Variants in PPP1R13L observed in about 807,000 individuals in gnomAD.
PPP1R13L encodes protein phosphatase 1 regulatory subunit 13 like.
A neutral mutation model predicts 80.9 loss-of-function variants in PPP1R13L; 50 were observed. The ratio of observed to expected loss-of-function variants is 0.62; its 90% CI spans 0.49 to 0.78. PPP1R13L has a LOEUF of 0.78. PPP1R13L is among the 30% of genes least tolerant of loss of function. The pLI is 0.00. For missense variants in PPP1R13L, 1,200 were observed against 1,205.9 expected, an observed-to-expected ratio of 1.00 and a Z score of 0.07; for synonymous variants, 602 against 534.3, an observed-to-expected ratio of 1.13 and a Z score of -1.75.
intron 1 of PPP1R13L, among the ~76,000 whole-genome samples, chr19:45,399,071 G>A (rs1973175978): frequency 6.6e-6 from 1 of 151,472 alleles, no homozygotes; most frequent in African/African-American, 2.4e-5. Context: ...AGCCTCCCGA[G>A]TAGCTGGGAC....
At chr19:45,403,991 G>A (rs1305707394) in intron 1 of PPP1R13L, among the ~76,000 whole-genome samples, 1 of 152,062 alleles carries the variant, frequency 6.6e-6, no homozygotes, top group Non-Finnish European at 1.5e-5. Context: ...TGGGCGTGGA[G>A]GTGACATTTC....
intron 11 of PPP1R13L, 44 bp downstream of exon 11, chr19:45,385,517 TG>T: frequency 6.4e-7 from 1 of 1,561,534 alleles, no homozygotes; most frequent in Non-Finnish European, 8.7e-7. Flanking sequence ...TCCCCGCTCC[TG>T]CGCACCCGCC....
At chr19:45,398,416 A>C in intron 1 of PPP1R13L, 77 bp from the exon 2 acceptor site, 2 of 1,424,590 alleles carry the variant, frequency 1.4e-6, no homozygotes, top group Non-Finnish European at 1.9e-6. Flanking sequence ...AGACGCCGTC[A>C]GGAGCGGGAC....
intron 8 of PPP1R13L, among the ~76,000 whole-genome samples, 158 bp from the exon 9 acceptor site, chr19:45,386,338 C>A (rs1340806354): frequency 6.6e-6 from 1 of 152,132 alleles, no homozygotes; most frequent in Non-Finnish European, 1.5e-5. Flanking sequence ...CTTCGATCTC[C>A]TCCTAGAGCC....
intron 8 of PPP1R13L, 70 bp downstream of exon 8, chr19:45,391,810 G>T (rs1972977276): frequency 4.9e-6 from 6 of 1,221,576 alleles, no homozygotes; most frequent in East Asian, 2.6e-5. Flanking sequence ...CACTATATTT[G>T]GGGGGCTCTT....
At position 45,381,813 on chromosome 19, in the gene PPP1R13L, G is replaced by A. The variant is rs542837067; in HGVS notation, c.2448+714C>T. On this transcript the variant is annotated intron_variant, in intron 12 of 12. Transcript: ENST00000360957. ...AAATTAGCCGTGCGTGGTGGCATGC[G>A]CCTGTCATCCCAGCTACTCTGGAGG... Among the ~76,000 whole-genome samples the A allele has an allele frequency of 7.9e-5, 12 of 151,604 alleles. No homozygotes were observed. In the South Asian group the frequency reaches 1.7e-3, roughly 21 times the overall value.
chr19:45,396,371 C>T lies in PPP1R13L; in HGVS notation c.778G>A (p.Glu260Lys), dbSNP rs112730430. 5.6e-5 allele frequency: 90 copies of T among 1,614,144 alleles called. 1 individual carries two copies. The highest frequency in any genetic ancestry group is 1.9e-4 in the African/African-American group (14 of 75,072). Residue 260 changes from glutamate to lysine, a missense_variant, in exon 5 of 13, where the codon GAG (glutamate) becomes AAG (lysine). Coordinates refer to ENST00000360957, the MANE Select transcript of PPP1R13L (RefSeq NM_006663.4). This position sits in a 1 kb window ranked among gnomAD's most constrained non-coding sequence, Gnocchi z 5.3. ...CTCGCTGTCTGCGAAGGCTTCTTCT[C>T]GTACGCCACGTCCAGGTCAGACTCG... ...WNESDLDVAY[E>K]KKPSQTASYE... is the part of the protein sequence containing the mutation.
At chr19:45,397,389 T>C (rs1973126920) in intron 3 of PPP1R13L, among the ~76,000 whole-genome samples, 2 of 151,820 alleles carry the variant, frequency 1.3e-5, no homozygotes, top group Non-Finnish European at 2.9e-5. Flanking sequence ...TTTTCTTTCT[T>C]TCTTTCCTCT....
At chr19:45,382,996 C>CTTTCT (rs569515406) in intron 11 of PPP1R13L, among the ~76,000 whole-genome samples, 1,576 of 126,276 alleles carry the variant, frequency 0.012, 57 homozygotes, top group African/African-American at 0.046. Context: ...TCTTTTCTTT[C>CTTTCT]TTTTTTTTTT....
intron 3 of PPP1R13L, among the ~76,000 whole-genome samples, 181 bp downstream of exon 3, chr19:45,397,824 C>T (rs559428217): frequency 6.6e-6 from 1 of 152,214 alleles, no homozygotes; most frequent in South Asian, 2.1e-4. Flanking sequence ...ACCTCGCCTT[C>T]CAAAGTGCTG....
At chr19:45,400,326 C>A (rs1040297087) in intron 1 of PPP1R13L, among the ~76,000 whole-genome samples, 1 of 151,884 alleles carries the variant, frequency 6.6e-6, no homozygotes, top group Non-Finnish European at 1.5e-5. Context: ...CCACTAGGAA[C>A]CGGTCAGGCC....
intron 8 of PPP1R13L, among the ~76,000 whole-genome samples, chr19:45,389,959 A>G (rs1972938381): frequency 6.6e-6 from 1 of 150,956 alleles, no homozygotes; most frequent in South Asian, 2.1e-4. Flanking sequence ...ACCCCCAGCT[A>G]ATTTTTGTAT....
intron 11 of PPP1R13L, among the ~76,000 whole-genome samples, chr19:45,382,928 C>A (rs1352587117): frequency 1.3e-5 from 2 of 151,788 alleles, no homozygotes; most frequent in African/African-American, 4.8e-5. Context: ...TTCGAGGAAA[C>A]TGGGGGAGGC....
intron 12 of PPP1R13L, 70 bp from the exon 13 acceptor site, chr19:45,380,298 T>G: frequency 6.4e-7 from 1 of 1,574,694 alleles, no homozygotes; most frequent in South Asian, 1.1e-5. Context: ...ATCCGCTGCC[T>G]GTCTCTATCC....
rs1171011337 is a variant in PPP1R13L, at chr19:45,395,785, G to A, written c.1005C>T (p.Ser335=). 1 of 1,570,776 alleles carries A rather than the reference G, an allele frequency of 6.4e-7. No homozygotes were observed. The highest frequency in any genetic ancestry group is 8.6e-7 in the Non-Finnish European group (1 of 1,161,990). The part of the protein sequence containing the change: ...DAGSYRRSLG[S]AGPSGTLPRS... ...GAGGCAAAGTGCCCGACGGCCCCGC[G>A]GAGCCCAGCGAGCGCCGGTAGCTGC... The change falls in exon 7 of 13, where the codon TCC becomes TCT. Residue 335 remains serine (S), a synonymous_variant. Coordinates refer to ENST00000360957, the MANE Select transcript of PPP1R13L (RefSeq NM_006663.4).
At chr19:45,400,645 G>A (rs1973213700) in intron 1 of PPP1R13L, among the ~76,000 whole-genome samples, 1 of 150,294 alleles carries the variant, frequency 6.7e-6, no homozygotes, top group Non-Finnish European at 1.5e-5. Context: ...TGTAACCCAG[G>A]CTACAATTGT....
intron 3 of PPP1R13L, 135 bp downstream of exon 3, chr19:45,397,870 C>T: frequency 2.5e-6 from 3 of 1,187,246 alleles, no homozygotes; most frequent in Non-Finnish European, 3.4e-6. Flanking sequence ...CTGGCCTGGT[C>T]CCCTTTTTTC....
At position 45,396,228 on chromosome 19, in the gene PPP1R13L, CG is replaced by C; in HGVS notation, c.842del (p.Pro281ArgfsTer94). The C allele has an allele frequency of 6.2e-7, 1 of 1,610,414 alleles. No homozygotes were observed. The highest frequency in any genetic ancestry group is 8.5e-7 in the Non-Finnish European group (1 of 1,179,364). On this transcript the variant is annotated frameshift_variant, in exon 6 of 13. Coordinates refer to ENST00000360957, the MANE Select transcript of PPP1R13L (RefSeq NM_006663.4). LOFTEE classifies it high-confidence loss of function. The surrounding 1 kb of genome is among the most constrained non-coding windows in gnomAD (Gnocchi z 5.3). ...RLDVFARPASPSLQLLPWRES... is the reference protein window; with the variant it reads ...RLDVFARPASXSLQLLPWRES... ...CCCTCCAAGGCAACAGCTGCAGGCT[CG>C]GCGAGGCAGGCCTTGCGAAGACGTC...
At chr19:45,382,798 C>G in intron 11 of PPP1R13L, 72 bp from the exon 12 acceptor site, 1 of 1,441,306 alleles carries the variant, frequency 6.9e-7, no homozygotes, top group Non-Finnish European at 9.6e-7. Flanking sequence ...ACGTGGGGTC[C>G]AGGACAGACC....
Sources: allele counts gnomAD v4.1 joint callset (sites outside exome capture counted in the v4.1 genomes callset), GRCh38; gene constraint gnomAD v4.1.1; non-coding constraint Gnocchi (gnomAD v3.1); transcripts MANE v1.5; gene names NCBI Gene and HGNC (gene_info 2026-07-23, HGNC 2026-07-21).